Variants in ATG3 observed in about 807,000 individuals in gnomAD.
ATG3 encodes the protein autophagy related 3, also known as ubiquitin-like-conjugating enzyme ATG3.
In ATG3, 25 loss-of-function variants were observed where a neutral mutation model predicts 50.7. The ratio of observed to expected loss-of-function variants is 0.49; its 90% CI spans 0.36 to 0.69. The LOEUF is 0.69. Among genes scored for constraint, ATG3 ranks in the 30% least tolerant of loss-of-function variants. The pLI, the probability that ATG3 is intolerant of heterozygous loss-of-function variation, is 0.00. For synonymous variants in ATG3, 119 were observed against 125.5 expected, an observed-to-expected ratio of 0.95 and a Z score of 0.34; for missense variants, 281 against 376.0, an observed-to-expected ratio of 0.75 and a Z score of 2.09.
chr3:112,534,584 A>G (rs1285096755), intron 10 of ATG3: 1 of 223,626 alleles, frequency 4.5e-6, no homozygotes, highest in Non-Finnish European at 8.6e-6. Context: ...ATGCCATGCC[A>G]ACAGTTTTAC....
chr3:112,552,479 C>A lies in ATG3; in HGVS notation c.164+801G>T, dbSNP rs1412853393. Reference sequence around the variant, plus strand: ...GCCTTAATTGGTATCATAAACCTTTCTTTTAGCTTTAGCCAGTTTCCTAAA... The same window carrying A: ...GCCTTAATTGGTATCATAAACCTTTATTTTAGCTTTAGCCAGTTTCCTAAA... On this transcript the variant is annotated intron_variant, in intron 3 of 11. Transcript: ENST00000283290. Among the ~76,000 whole-genome samples the A allele has an allele frequency of 3.9e-5, 6 of 152,044 alleles. No homozygotes were observed. The South Asian group carries it at 1.2e-3, about 32-fold the overall frequency.
intron 3 of ATG3, 38 bp downstream of exon 3, chr3:112,553,241 AT>A: frequency 6.5e-7 from 1 of 1,544,514 alleles, no homozygotes. Context: ...GAAGCCATGC[AT>A]TTTACTAATT....
intron 5 of ATG3, among the ~76,000 whole-genome samples, chr3:112,544,545 T>C (rs1327569967): frequency 6.7e-6 from 1 of 150,268 alleles, no homozygotes; most frequent in African/African-American, 2.4e-5. Context: ...TCCCCGCTAC[T>C]TGGGAGGCTG....
At chr3:112,549,475 CT>C (rs1205247793) in intron 4 of ATG3, among the ~76,000 whole-genome samples, 2 of 152,070 alleles carry the variant, frequency 1.3e-5, no homozygotes, top group Non-Finnish European at 2.9e-5. Context: ...CTATAACAAC[CT>C]TTTGATGTTG....
chr3:112,546,183 A>C (rs903235344), intron 5 of ATG3, among the ~76,000 whole-genome samples: 5 of 151,980 alleles, frequency 3.3e-5, no homozygotes, highest in African/African-American at 9.7e-5. Context: ...ACAAAAAAAA[A>C]CCTATCTACC....
chr3:112,554,200 T>C (rs1447404255), intron 2 of ATG3, among the ~76,000 whole-genome samples: 1 of 152,210 alleles, frequency 6.6e-6, no homozygotes, highest in Non-Finnish European at 1.5e-5. Context: ...GGATGTGCAT[T>C]GTCAGGCCTC....
intron 9 of ATG3, 189 bp downstream of exon 9, chr3:112,537,546 T>C (rs1424110085): frequency 4.5e-6 from 2 of 449,234 alleles, no homozygotes. Flanking sequence ...GCATTATTGT[T>C]ACACTGAATA....
intron 5 of ATG3, among the ~76,000 whole-genome samples, chr3:112,546,310 T>C (rs776562266): frequency 6.6e-6 from 1 of 152,142 alleles, no homozygotes; most frequent in Non-Finnish European, 1.5e-5. Flanking sequence ...ACGCTGTACA[T>C]GACAGTCGAC....
At chr3:112,553,355 A>C in intron 2 of ATG3, 26 bp from the exon 3 acceptor site, 1 of 1,597,040 alleles carries the variant, frequency 6.3e-7, no homozygotes, top group Admixed American at 1.7e-5. Context: ...AAGTAATATG[A>C]AAAAAAGGAA....
At chr3:112,542,242 GA>G (rs1255194712) in intron 6 of ATG3, among the ~76,000 whole-genome samples, 1 of 151,974 alleles carries the variant, frequency 6.6e-6, no homozygotes, top group East Asian at 1.9e-4. Context: ...CTTATAAGGG[GA>G]AAAAGTGCAC....
intron 7 of ATG3, among the ~76,000 whole-genome samples, chr3:112,540,327 C>T (rs1358696021): frequency 6.6e-6 from 1 of 152,180 alleles, no homozygotes; most frequent in Non-Finnish European, 1.5e-5. Flanking sequence ...TTCAACTCTA[C>T]TTGGCACCAT....
At chr3:112,548,732 GTGTT>G (rs1933441992) in intron 4 of ATG3, 92 bp from the exon 5 acceptor site, 2 of 1,056,702 alleles carry the variant, frequency 1.9e-6, no homozygotes, top group South Asian at 2.7e-5. Context: ...ATAAAATAGG[GTGTT>G]TATACCACCA....
At chr3:112,551,823 A>G (rs1228729379) in intron 3 of ATG3, among the ~76,000 whole-genome samples, 2 of 152,132 alleles carry the variant, frequency 1.3e-5, no homozygotes, top group Non-Finnish European at 2.9e-5. Flanking sequence ...TACAGAAAGA[A>G]AAAAAAACCA....
chr3:112,541,965 T>C, intron 6 of ATG3, 81 bp from the exon 7 acceptor site: 1 of 1,051,830 alleles, frequency 9.5e-7, no homozygotes, highest in Non-Finnish European at 1.4e-6. Flanking sequence ...AGCACAGTGG[T>C]AACCACTGTG....
intron 3 of ATG3, among the ~76,000 whole-genome samples, chr3:112,551,385 G>C (rs978466473): frequency 7.2e-5 from 11 of 152,200 alleles, no homozygotes; most frequent in African/African-American, 2.4e-4. Flanking sequence ...GCACGTGAAG[G>C]CATAAGCATG....
chr3:112,551,671 C>T (rs1933533210), intron 3 of ATG3, among the ~76,000 whole-genome samples: 1 of 152,028 alleles, frequency 6.6e-6, no homozygotes, highest in African/African-American at 2.4e-5. Context: ...GAAGAAAATG[C>T]TTATCATATA....
At chr3:112,538,368 G>A (rs1933133340) in intron 7 of ATG3, 188 bp from the exon 8 acceptor site, 1 of 545,374 alleles carries the variant, frequency 1.8e-6, no homozygotes, top group Admixed American at 3.8e-5. Context: ...CCCAGAGAAA[G>A]CCAGCATGTT....
chr3:112,540,441 T>A (rs1933195146), intron 7 of ATG3, among the ~76,000 whole-genome samples: 1 of 152,202 alleles, frequency 6.6e-6, no homozygotes, highest in Non-Finnish European at 1.5e-5. Context: ...CTTTTTTTCA[T>A]ATTCCTTTCC....
intron 4 of ATG3, among the ~76,000 whole-genome samples, chr3:112,548,882 T>C (rs573145112): frequency 3.9e-4 from 60 of 152,240 alleles, no homozygotes; most frequent in Non-Finnish European, 6.9e-4. Context: ...CTATTGGGAA[T>C]GTTCTATGCA....
Sources: gnomAD v4.1 joint callset for allele counts (sites outside exome capture counted in the v4.1 genomes callset) on GRCh38, gnomAD v4.1.1 for gene constraint, MANE v1.5 for transcripts, NCBI Gene and HGNC (gene_info 2026-07-23, HGNC 2026-07-21) for gene names.